PREX1: variants seen among roughly 807,000 people sequenced by gnomAD.
PREX1 encodes the protein phosphatidylinositol 3,4,5-trisphosphate-dependent Rac exchanger 1 protein.
PREX1 carries 41 observed loss-of-function variants against 198.3 expected under a neutral mutation model. The ratio of observed to expected loss-of-function variants is 0.21; its 90% CI spans 0.16 to 0.27. The LOEUF is 0.27. Among genes scored for constraint, PREX1 ranks in the 10% least tolerant of loss-of-function variants. The probability of loss-of-function intolerance (pLI) is 1.00; values close to 1 mark genes in which losing one functional copy is unlikely to be tolerated. For missense variants in PREX1, 1,620 were observed against 2,200.7 expected, an observed-to-expected ratio of 0.74 and a Z score of 5.28; for synonymous variants, 843 against 887.2, an observed-to-expected ratio of 0.95 and a Z score of 0.89.
At chr20:48,794,459 A>T (rs1169331143) in intron 1 of PREX1, among the ~76,000 whole-genome samples, 2 of 152,198 alleles carry the variant, frequency 1.3e-5, no homozygotes, top group African/African-American at 4.8e-5. Flanking sequence ...AGAGGCCAGG[A>T]GGCAGAGAGG....
At chr20:48,862,846 G>A in the PREX1 span, among the ~76,000 whole-genome samples, 1 of 137,480 alleles carries the variant, frequency 7.3e-6, no homozygotes, top group African/African-American at 2.8e-5. Flanking sequence ...TTTGGAGACA[G>A]GGCCTCACTG....
At chr20:48,794,387 C>A (rs932324698) in intron 1 of PREX1, among the ~76,000 whole-genome samples, 1 of 152,206 alleles carries the variant, frequency 6.6e-6, no homozygotes, top group Admixed American at 6.5e-5. Context: ...GGAGGCAAAG[C>A]TGGGAAGACA....
At chr20:48,707,286 T>C (rs1318272723) in intron 6 of PREX1, among the ~76,000 whole-genome samples, 1 of 152,066 alleles carries the variant, frequency 6.6e-6, no homozygotes, top group African/African-American at 2.4e-5. Context: ...AGCCGGGAAA[T>C]AGAGCTCTTC....
chr20:48,883,261 A>C, the PREX1 span, among the ~76,000 whole-genome samples: 2 of 151,958 alleles, frequency 1.3e-5, no homozygotes, highest in East Asian at 3.9e-4. Context: ...CAAAACCACA[A>C]ATAGAAAGGG....
In PREX1 at chr20:48,644,470, G is replaced by A; in HGVS notation, c.3540C>T (p.Val1180=). 1 of 1,613,910 alleles carries A rather than the reference G, an allele frequency of 6.2e-7. No individual in the cohort carries two copies. The highest frequency in any genetic ancestry group is 8.5e-7 in the Non-Finnish European group (1 of 1,179,878). Residue 1180 remains valine, a synonymous_variant, in exon 27 of 40, where the codon GTC becomes GTT. Coordinates refer to ENST00000371941, the MANE Select transcript of PREX1 (RefSeq NM_020820.4). ...TACTTCTCACGCTGGTGTAGGACAG[G>A]ACCGAGTCTCGATTGCTGTTACACT... ...YSECNSNRDS[V]LSYTSVRSNS...
chr20:48,688,591 G>T, intron 10 of PREX1, 66 bp downstream of exon 10: 1 of 1,599,100 alleles, frequency 6.3e-7, no homozygotes, highest in Non-Finnish European at 8.6e-7. Context: ...GGGTGGATGG[G>T]GATGATCTGC....
the PREX1 span, among the ~76,000 whole-genome samples, chr20:48,866,395 G>A: frequency 6.6e-6 from 1 of 152,148 alleles, no homozygotes; most frequent in East Asian, 1.9e-4. Flanking sequence ...GGCATTGTCT[G>A]GGAAACTGTT....
intron 20 of PREX1, 77 bp downstream of exon 20, chr20:48,653,284 A>G: frequency 6.4e-7 from 1 of 1,559,466 alleles, no homozygotes; most frequent in Non-Finnish European, 8.7e-7. Context: ...GCTTTTCTCT[A>G]AAGAGAGGAC....
intron 1 of PREX1, among the ~76,000 whole-genome samples, chr20:48,775,216 G>C (rs896491076): frequency 6.6e-6 from 1 of 152,150 alleles, no homozygotes; most frequent in Non-Finnish European, 1.5e-5. Context: ...TGAAGCTCCT[G>C]CCCTCACGGA....
At chr20:48,632,057 C>T in intron 35 of PREX1, among the ~76,000 whole-genome samples, 1 of 152,228 alleles carries the variant, frequency 6.6e-6, no homozygotes, top group Non-Finnish European at 1.5e-5. Flanking sequence ...AGTGTGTACA[C>T]TTTCTGGGCC....
intron 3 of PREX1, among the ~76,000 whole-genome samples, chr20:48,736,013 C>A (rs551322975): frequency 1.1e-4 from 16 of 152,276 alleles, no homozygotes; most frequent in Admixed American, 1.0e-3. Context: ...TGACCTTGGG[C>A]AAGTGCTTCT....
intron 14 of PREX1, among the ~76,000 whole-genome samples, chr20:48,668,308 G>C (rs903613491): frequency 6.6e-6 from 1 of 152,224 alleles, no homozygotes; most frequent in African/African-American, 2.4e-5. Flanking sequence ...TCAGGCCCGT[G>C]GGGGCCAGGA....
intron 3 of PREX1, among the ~76,000 whole-genome samples, chr20:48,740,314 T>TA (rs980385361): frequency 6.6e-6 from 1 of 152,210 alleles, no homozygotes; most frequent in Non-Finnish European, 1.5e-5. Flanking sequence ...AGACACCCCT[T>TA]ACCCCAGGTG....
intron 13 of PREX1, among the ~76,000 whole-genome samples, chr20:48,677,368 A>G (rs141709002): frequency 7.5e-6 from 1 of 134,004 alleles, no homozygotes; most frequent in African/African-American, 3.1e-5. Flanking sequence ...AGGTGATAAG[A>G]GCTATCAGGT....
At chr20:48,735,211 T>C (rs2122729587) in intron 3 of PREX1, among the ~76,000 whole-genome samples, 1 of 152,212 alleles carries the variant, frequency 6.6e-6, no homozygotes, top group East Asian at 1.9e-4. Context: ...TGAGCATTCT[T>C]GGTTCCAGAT....
rs192597298 is a variant in PREX1, at chr20:48,648,404, T to A, written c.3305+896A>T. On this transcript the variant is annotated intron_variant, in intron 25 of 39. Coordinates refer to ENST00000371941, the MANE Select transcript of PREX1 (RefSeq NM_020820.4). ...CTGAAGAGGGATTTTGCCACCAGCA[T>A]CTCGTAGGTAGAGACCCCAGATGCT... Among the ~76,000 whole-genome samples the A allele has an allele frequency of 9.8e-5, 15 of 152,306 alleles. No individual in the cohort carries two copies. In the East Asian group the frequency reaches 2.7e-3, roughly 27 times the overall value.
Position 48,792,815 on chromosome 20 carries a change from A to ATAC in PREX1, c.219+34826_219+34827insGTA, listed in dbSNP as rs758333598. On this transcript the variant is annotated intron_variant, in intron 1 of 39. Transcript: ENST00000371941. ...AGAAGCCAGATACAAAAAAAAAAAAAATACACACACACACACACACACACA... is the reference window on the plus strand; with the variant it reads ...AGAAGCCAGATACAAAAAAAAAAAAATACATACACACACACACACACACACACA... Among the ~76,000 whole-genome samples, 404 of 75,820 alleles carry ATAC rather than the reference A, an allele frequency of 5.3e-3. 2 individuals carry two copies. The highest frequency in any genetic ancestry group is 0.026 in the South Asian group (64 of 2,480). The allele number at this position is 75,820 out of a possible 152,430, so 49.7% of individuals were successfully genotyped here.
chr20:48,866,885 C>A, the PREX1 span, among the ~76,000 whole-genome samples: 1 of 152,014 alleles, frequency 6.6e-6, no homozygotes, highest in Non-Finnish European at 1.5e-5. Context: ...GCCGAGATCA[C>A]CCCACTGCAC....
At chr20:48,818,407 C>G (rs1247419636) in intron 1 of PREX1, among the ~76,000 whole-genome samples, 2 of 152,194 alleles carry the variant, frequency 1.3e-5, no homozygotes, top group Non-Finnish European at 2.9e-5. Flanking sequence ...AGGGGCAGGT[C>G]TTGTGCGACA....
Sources: allele counts gnomAD v4.1 joint callset (sites outside exome capture counted in the v4.1 genomes callset), GRCh38; gene constraint gnomAD v4.1.1; transcripts MANE v1.5; gene names NCBI Gene and HGNC (gene_info 2026-07-23, HGNC 2026-07-21).